WNK1: variants seen among roughly 807,000 people sequenced by gnomAD.
WNK1 encodes the protein WNK lysine deficient protein kinase 1, also known as serine/threonine-protein kinase WNK1.
In WNK1, 38 loss-of-function variants were observed where a neutral mutation model predicts 222.8. The ratio of observed to expected loss-of-function variants is 0.17; its 90% confidence interval spans 0.13 to 0.22. The LOEUF (loss-of-function observed/expected upper bound fraction) is 0.22. Ranked by LOEUF, WNK1 falls within the 10% of genes least tolerant of loss-of-function variation. The pLI, the probability that WNK1 is intolerant of heterozygous loss-of-function variation, is 1.00. For synonymous variants in WNK1, 1,090 were observed against 1,092.9 expected (o/e 1.00, Z 0.05); for missense variants, 2,348 against 2,918.4 (o/e 0.80, Z 4.50).
chr12:852,416 G>A (rs976917325), intron 4 of WNK1, among the ~76,000 whole-genome samples: 1 of 152,024 alleles, frequency 6.6e-6, no homozygotes, highest in South Asian at 2.1e-4. Flanking sequence ...ATTTAATGAA[G>A]AAAAATAAGC....
At chr12:853,365 T>C (rs1950543035) in intron 4 of WNK1, among the ~76,000 whole-genome samples, 4 of 152,326 alleles carry the variant, frequency 2.6e-5, no homozygotes, top group Middle Eastern at 6.8e-3. Context: ...ACAAGAGGAT[T>C]ATTATTAAGG....
chr12:797,694 C>G (rs550238194), intron 1 of WNK1, among the ~76,000 whole-genome samples: 15 of 152,100 alleles, frequency 9.9e-5, no homozygotes, highest in African/African-American at 3.6e-4. Context: ...ACCTGTAATC[C>G]CAGCACTTTC....
At chr12:902,706 A>G (rs1244548368) in intron 26 of WNK1, among the ~76,000 whole-genome samples, 1 of 152,244 alleles carries the variant, frequency 6.6e-6, no homozygotes, top group African/African-American at 2.4e-5. Context: ...AGATGATGCC[A>G]GTGTCCTAGG....
chr12:876,396 G>A (rs563065479), intron 9 of WNK1, among the ~76,000 whole-genome samples: 71 of 152,158 alleles, frequency 4.7e-4, no homozygotes, highest in African/African-American at 1.4e-3. Context: ...GCAACGGAGC[G>A]AGACTCCGTG....
intron 9 of WNK1, among the ~76,000 whole-genome samples, chr12:876,863 GA>G (rs1296207529): frequency 6.6e-6 from 1 of 151,934 alleles, no homozygotes; most frequent in Non-Finnish European, 1.5e-5. Context: ...CTTACGCATA[GA>G]AAAAAATCCA....
chr12:900,334 G>A (rs1394864840), intron 25 of WNK1, 142 bp from the exon 26 acceptor site: 3 of 850,448 alleles, frequency 3.5e-6, no homozygotes, highest in Non-Finnish European at 5.8e-6. Flanking sequence ...CGTTAGTGAG[G>A]ACTTTGTTCT....
In WNK1 at chr12:885,940, A is replaced by G. The variant is rs767593634; in HGVS notation, c.5136A>G (p.Pro1712=). 3.8e-6 allele frequency: 6 copies of G among 1,598,068 alleles called. No homozygotes were observed. Among genetic ancestry groups the G allele is most frequent in the Non-Finnish European group, 5.1e-6 (6 of 1,171,814 alleles). ...CTTCTACCACAAGTACTTGCTTACC[A>G]CCAACCAATTTACCACTAGGAACAG... ...LLTSTTSTCL[P]PTNLPLGTVA... is the part of the protein sequence containing the mutation. Residue 1712 remains proline, a synonymous_variant, in exon 19 of 28, where the codon CCA becomes CCG. Coordinates refer to ENST00000315939, the MANE Select transcript of WNK1 (RefSeq NM_018979.4).
intron 1 of WNK1, among the ~76,000 whole-genome samples, chr12:757,336 A>ATTTT (rs1310158174): frequency 4.7e-4 from 31 of 66,126 alleles, no homozygotes; most frequent in Non-Finnish European, 8.9e-4. Context: ...TTTTTTTTAA[A>ATTTT]AAAAAAAAGA....
intron 8 of WNK1, chr12:867,712 T>C (rs1951793328): frequency 9.4e-6 from 8 of 855,402 alleles, no homozygotes; most frequent in African/African-American, 3.4e-5. Context: ...ATTTTTACTA[T>C]GCACATAATT....
rs183030452 is a variant in WNK1 at position 829,705 on chromosome 12, G to C, written c.1154-298G>C. Among the ~76,000 whole-genome samples, 19 of 152,054 alleles carry C rather than the reference G, an allele frequency of 1.2e-4. No homozygotes were observed. In the East Asian group the frequency reaches 2.9e-3, roughly 23 times the overall value. ...TGAATTATATTAGTTTATTATCTTA[G>C]CCAAGGTTTTATTTTGGCATATTGT... On this transcript the variant is annotated intron_variant, in intron 3 of 27. Transcript: ENST00000315939.
intron 4 of WNK1, among the ~76,000 whole-genome samples, chr12:833,950 A>G (rs1462757413): frequency 6.6e-6 from 1 of 152,230 alleles, no homozygotes; most frequent in Non-Finnish European, 1.5e-5. Flanking sequence ...TAATATGTAA[A>G]CAAAGAATTA....
intron 1 of WNK1, among the ~76,000 whole-genome samples, chr12:790,052 T>C (rs1033459115): frequency 3.3e-5 from 5 of 152,094 alleles, no homozygotes; most frequent in African/African-American, 1.2e-4. Flanking sequence ...TAGTACAAGA[T>C]AGATACTTAA....
intron 4 of WNK1, among the ~76,000 whole-genome samples, chr12:839,742 G>C (rs1035045166): frequency 6.6e-6 from 1 of 151,866 alleles, no homozygotes; most frequent in Non-Finnish European, 1.5e-5. Flanking sequence ...TTTTGAGACA[G>C]AGTCTTACTC....
At chr12:880,135 C>T in intron 11 of WNK1, 104 bp downstream of exon 11, 1 of 1,127,094 alleles carries the variant, frequency 8.9e-7, no homozygotes, top group South Asian at 1.3e-5. Flanking sequence ...CTAGCAATAA[C>T]ATGTCAACTA....
chr12:886,308 T>C (rs1225393630), intron 19 of WNK1, among the ~76,000 whole-genome samples: 1 of 152,182 alleles, frequency 6.6e-6, no homozygotes, highest in Non-Finnish European at 1.5e-5. Context: ...CTGCACAGTT[T>C]TCCAAGATGG....
At chr12:900,016 CTTT>C (rs11433731) in intron 25 of WNK1, among the ~76,000 whole-genome samples, 2 of 119,632 alleles carry the variant, frequency 1.7e-5, no homozygotes. Flanking sequence ...GGATTCTTTT[CTTT>C]TTTTTTTTTT....
In WNK1 at chr12:881,757, C is replaced by A. The variant is rs781558545; in HGVS notation, c.3177C>A (p.Thr1059=). 6.2e-7 allele frequency: 1 copy of A among 1,614,014 alleles called. No individual in the cohort carries two copies. Among genetic ancestry groups the A allele is most frequent in the African/African-American group, 1.3e-5 (1 of 74,888 alleles). The change falls in exon 13 of 28, where the codon ACC becomes ACA. Residue 1059 remains threonine (T), a synonymous_variant. Transcript: ENST00000315939. ...TTGCAGTAGCACAGACCCAAGCTAC[C>A]CAGCCGACCACTTTGGCTTCCTCTG... The part of the protein sequence containing the change: ...EPVAVAQTQA[T]QPTTLASSVD...
chr12:774,733 A>G (rs966247178), intron 1 of WNK1, among the ~76,000 whole-genome samples: 3 of 152,128 alleles, frequency 2.0e-5, no homozygotes, highest in South Asian at 2.1e-4. Context: ...TATTAACCCC[A>G]TTTATCAATA....
At chr12:787,637 T>G (rs567194551) in intron 1 of WNK1, among the ~76,000 whole-genome samples, 5 of 152,270 alleles carry the variant, frequency 3.3e-5, no homozygotes, top group Admixed American at 1.3e-4. Context: ...AAAAAAATCT[T>G]TATCTTTTGT....
Sources: allele counts gnomAD v4.1 joint callset (sites outside exome capture counted in the v4.1 genomes callset), GRCh38; gene constraint gnomAD v4.1.1; transcripts MANE v1.5; gene names NCBI Gene and HGNC (gene_info 2026-07-23, HGNC 2026-07-21).